The following ZNF552 variants were observed in gnomAD, a reference collection of about 807,000 sequenced individuals.
The protein encoded by ZNF552 is zinc finger protein 552.
ZNF552 carries 2 observed loss-of-function variants against 7.2 expected under a neutral mutation model. The ratio of observed to expected loss-of-function variants is 0.28; its 90% CI spans 0.11 to 0.88. The LOEUF is 0.88. ZNF552 is among the 40% of genes least tolerant of loss of function. ZNF552 has a pLI of 0.60. For synonymous variants in ZNF552, 173 were observed against 176.5 expected (o/e 0.98, Z 0.16); for missense variants, 421 against 493.4 (o/e 0.85, Z 1.39).
chr19:57,814,860 G>A lies in ZNF552; in HGVS notation c.-117C>T. The A allele has an allele frequency of 1.8e-6, 2 of 1,097,294 alleles. No individual in the cohort carries two copies. The highest frequency in any genetic ancestry group is 2.7e-5 in the Admixed American group (1 of 37,028). The allele number at this position is 1,097,294 out of a possible 1,614,324, so 68.0% of individuals were successfully genotyped here. A position where few individuals can be genotyped will look rare whatever the true frequency, so the allele number is the denominator to read the frequency against. The stretch of plus-strand genomic sequence containing the variant: ...CCTCCTGGATCCAGTCACCACCACG[G>A]TCCCAACACAGCGCTCCAAGGACTC... On this transcript the variant is annotated 5_prime_UTR_variant, in exon 1 of 3. Transcript: ENST00000391701.
rs1987756743 is a variant in ZNF552, at chr19:57,807,109, A to C, written c.*931T>G. ...ATAAGAGGAAACACTTTATTACATC[A>C]GTCAGAAAATTCTAGAAAATGGAAA... On this transcript the variant is annotated 3_prime_UTR_variant, in exon 3 of 3. Transcript: ENST00000391701. The C allele has an allele frequency of 6.6e-6, 1 of 152,240 alleles. No homozygotes were observed. Among genetic ancestry groups the C allele is most frequent in the Non-Finnish European group, 1.5e-5 (1 of 68,034 alleles). The allele number at this position is 152,240 out of a possible 1,614,324, so 9.4% of individuals were successfully genotyped here. A position where few individuals can be genotyped will look rare whatever the true frequency, so the allele number is the denominator to read the frequency against.
intron 1 of ZNF552, among the ~76,000 whole-genome samples, chr19:57,814,157 C>T (rs1356369635): frequency 3.3e-5 from 5 of 152,148 alleles, no homozygotes; most frequent in Admixed American, 6.5e-5. Context: ...CCTCCCTGAA[C>T]GCTTTTGTGT....
intron 2 of ZNF552, among the ~76,000 whole-genome samples, chr19:57,812,028 CA>C (rs35699223): frequency 0.037 from 2,335 of 63,686 alleles, 25 homozygotes; most frequent in African/African-American, 0.088. Context: ...GACTCTGTCT[CA>C]AAAAAAAAAA....
chr19:57,808,565 C>CTGG lies in ZNF552; in HGVS notation c.698_699insCCA (p.Leu233_Leu234insGln). On this transcript the variant is annotated inframe_insertion, in exon 3 of 3. Transcript: ENST00000391701. Reference sequence around the variant, plus strand: ...ACACAGAAGGTTCTTCTGTAGGGAGCAGTCTCTCGTGCTGACTGAGTATAT... The same window carrying CTGG: ...ACACAGAAGGTTCTTCTGTAGGGAGCTGGAGTCTCTCGTGCTGACTGAGTATAT... 6.2e-7 allele frequency: 1 copy of CTGG among 1,614,166 alleles called. No individual in the cohort carries two copies. Among genetic ancestry groups the CTGG allele is most frequent in the Non-Finnish European group, 8.5e-7 (1 of 1,180,024 alleles).
chr19:57,811,779 C>T (rs978909586), intron 2 of ZNF552, among the ~76,000 whole-genome samples: 17 of 149,688 alleles, frequency 1.1e-4, no homozygotes, highest in Non-Finnish European at 1.5e-5. Context: ...GCCTGTAATC[C>T]CAGCACTGTG....
At chr19:57,814,549 C>A (rs1234017715) in intron 1 of ZNF552, 162 bp downstream of exon 1, 3 of 1,543,798 alleles carry the variant, frequency 1.9e-6, no homozygotes, top group Admixed American at 2.0e-5. Flanking sequence ...CTCTCCCCAC[C>A]GCATCCCACG....
chr19:57,813,848 AGT>A (rs1311485884), intron 1 of ZNF552, among the ~76,000 whole-genome samples: 1 of 147,340 alleles, frequency 6.8e-6, no homozygotes, highest in Non-Finnish European at 1.5e-5. Flanking sequence ...GGTTCAAGCG[AGT>A]CTGCTGCCTC....
chr19:57,811,106 G>T (rs543803921), intron 2 of ZNF552, among the ~76,000 whole-genome samples: 2 of 152,210 alleles, frequency 1.3e-5, no homozygotes, highest in East Asian at 3.9e-4. Flanking sequence ...GGTGGCGGCA[G>T]GGGGAAGGCA....
chr19:57,813,734 C>CTTTT (rs528034833), intron 1 of ZNF552, among the ~76,000 whole-genome samples: 14 of 86,244 alleles, frequency 1.6e-4, no homozygotes, highest in South Asian at 3.7e-4. Flanking sequence ...GCACCTCATT[C>CTTTT]TTTTTTTTTT....
intron 2 of ZNF552, among the ~76,000 whole-genome samples, chr19:57,812,773 C>G (rs935891178): frequency 6.6e-6 from 1 of 152,088 alleles, no homozygotes; most frequent in African/African-American, 2.4e-5. Flanking sequence ...TTCACCATGT[C>G]GGCCAGGCTG....
chr19:57,809,928 G>A (rs1415998733), intron 2 of ZNF552, among the ~76,000 whole-genome samples: 2 of 152,118 alleles, frequency 1.3e-5, no homozygotes, highest in African/African-American at 4.8e-5. Context: ...AGACCAGCCT[G>A]AGCAACACAG....
chr19:57,813,085 ACT>A (rs1987886965), intron 2 of ZNF552: 1 of 738,686 alleles, frequency 1.4e-6, no homozygotes. Flanking sequence ...AAGACTTCTG[ACT>A]CTGAATTCTT....
chr19:57,810,712 C>A (rs528105677), intron 2 of ZNF552, among the ~76,000 whole-genome samples: 6 of 152,246 alleles, frequency 3.9e-5, no homozygotes, highest in Admixed American at 2.6e-4. Flanking sequence ...CAGCCCGACG[C>A]CAGTAAAGGG....
At position 57,814,571 on chromosome 19, in the gene ZNF552, C is replaced by T. The variant is rs762977523; in HGVS notation, c.33+140G>A. The T allele has an allele frequency of 3.1e-5, 49 of 1,557,406 alleles. No individual in the cohort carries two copies. In the Middle Eastern group the frequency reaches 2.5e-3, roughly 79 times the overall value. ...CACCGCATCCCACGGGTGTCTGAAA[C>T]AGGGATCCCTCCCGAGAGCGCCTCA... On this transcript the variant is annotated intron_variant, in intron 1 of 2. Coordinates refer to ENST00000391701, the MANE Select transcript of ZNF552 (RefSeq NM_024762.3).
rs542139960 is a variant in ZNF552, at chr19:57,808,141, T to C, written c.1123A>G (p.Thr375Ala). ...SSLTKHRRVH[T>A]GEKPYGCSEC... ...CTGCACCCGTAAGGCTTTTCTCCAG[T>C]GTGAACTCTCCTGTGTTTAGTGAGA... Residue 375 changes from threonine to alanine, a missense_variant, in exon 3 of 3, where the codon ACT (threonine) becomes GCT (alanine). Thr to Ala is a moderately conservative substitution (Grantham distance 58, BLOSUM62 0). Coordinates refer to ENST00000391701, the MANE Select transcript of ZNF552 (RefSeq NM_024762.3). 1.2e-6 allele frequency: 2 copies of C among 1,614,234 alleles called. No individual in the cohort carries two copies. Among genetic ancestry groups the C allele is most frequent in the East Asian group, 4.5e-5 (2 of 44,884 alleles).
At chr19:57,809,733 C>T (rs1227160373) in intron 2 of ZNF552, among the ~76,000 whole-genome samples, 1 of 151,916 alleles carries the variant, frequency 6.6e-6, no homozygotes, top group Non-Finnish European at 1.5e-5. Context: ...ACCAGTGGCT[C>T]ACAGCTGTAA....
rs202030726 is a variant in ZNF552, at chr19:57,808,039, C to G, written c.*1G>C. 2 of 1,602,288 alleles carry G rather than the reference C, an allele frequency of 1.2e-6. No homozygotes were observed. The highest frequency in any genetic ancestry group is 2.2e-5 in the South Asian group (2 of 89,196). On this transcript the variant is annotated 3_prime_UTR_variant, in exon 3 of 3. Transcript: ENST00000391701. ...ATTTAATGAGACTGGACTCACTGCA[C>G]TCATAAGCCCTTTCTTTTGTGAACT...
Position 57,814,339 on chromosome 19 carries a change from T to C in ZNF552, c.33+372A>G, listed in dbSNP as rs1030893533. 6 of 656,876 alleles carry C rather than the reference T, an allele frequency of 9.1e-6. No homozygotes were observed. The African/African-American group carries it at 1.1e-4, about 12-fold the overall frequency. The allele number at this position is 656,876 out of a possible 1,614,324, so 40.7% of individuals were successfully genotyped here. On this transcript the variant is annotated intron_variant, in intron 1 of 2. Transcript: ENST00000391701. Reference sequence around the variant, plus strand: ...TAGGAAACTTTAAAAGCCTGGACTTTGATCCAGTCCCTTCTTTCTTGGAAA... The same window carrying C: ...TAGGAAACTTTAAAAGCCTGGACTTCGATCCAGTCCCTTCTTTCTTGGAAA...
rs780282090 is a variant in ZNF552, at chr19:57,808,912, G to T, written c.352C>A (p.Leu118Met). 24 of 1,611,486 alleles carry T rather than the reference G, an allele frequency of 1.5e-5. No homozygotes were observed. The highest frequency in any genetic ancestry group is 3.3e-5 in the Admixed American group (2 of 59,750). ...TTCCCCCAGGCCTCACACCTGTGCA[G>T]TTTCTGCTTGTGATGTGTTCCCTGA... ...DHQGTHHKQKLHRCEAWGNKL... is the reference protein window; with the variant it reads ...DHQGTHHKQKMHRCEAWGNKL... The change falls in exon 3 of 3, where the codon CTG becomes ATG. Residue 118 changes from leucine (L) to methionine (M), a missense_variant. By Grantham distance (15) the Leu-to-Met change is conservative. This residue lies in a region of ZNF552 where 122 missense variants were observed against 199.7 expected (regional missense o/e 0.61). Transcript: ENST00000391701.
Sources: allele counts gnomAD v4.1 joint callset (sites outside exome capture counted in the v4.1 genomes callset), GRCh38; gene constraint gnomAD v4.1.1; regional missense constraint gnomAD v4.1.1; transcripts MANE v1.5; gene names NCBI Gene and HGNC (gene_info 2026-07-23, HGNC 2026-07-21).